Variants in FOXN3 observed in about 807,000 individuals in gnomAD.
The protein encoded by FOXN3 is forkhead box N3, also known as forkhead box protein N3.
Under a neutral mutation model 38.4 loss-of-function variants are expected in FOXN3, and 7 were observed. The observed-to-expected ratio is 0.18, with a 90% CI of 0.10 to 0.34. The LOEUF (loss-of-function observed/expected upper bound fraction) is 0.34. FOXN3 is among the 10% of genes least tolerant of loss of function. The pLI, the probability that FOXN3 is intolerant of heterozygous loss-of-function variation, is 1.00. For synonymous variants in FOXN3, 230 were observed against 242.2 expected, an observed-to-expected ratio of 0.95 and a Z score of 0.47; for missense variants, 456 against 613.4, an observed-to-expected ratio of 0.74 and a Z score of 2.71.
At position 89,476,130 on chromosome 14, in the gene FOXN3, C is replaced by T. The variant is rs150016091; in HGVS notation, c.-14-63640G>A. On this transcript the variant is annotated intron_variant, in intron 1 of 6. Transcript: ENST00000345097. ...GAGGAATGGGTTTAAACTTCTTGCTCTCGGATGTTTGCATGTCACAAACAC... is the reference window on the plus strand; with the variant it reads ...GAGGAATGGGTTTAAACTTCTTGCTTTCGGATGTTTGCATGTCACAAACAC... Among the ~76,000 whole-genome samples the T allele has an allele frequency of 6.6e-4, 101 of 152,312 alleles. 1 individual carries two copies. The East Asian group carries it at 0.017, about 25-fold the overall frequency.
At chr14:89,179,355 G>A (rs961903447) in intron 5 of FOXN3, among the ~76,000 whole-genome samples, 2 of 152,156 alleles carry the variant, frequency 1.3e-5, no homozygotes, top group African/African-American at 4.8e-5. Context: ...GAAGCTGCAC[G>A]CGGCAGGGGA....
intron 2 of FOXN3, among the ~76,000 whole-genome samples, chr14:89,362,557 TCCACCACCACCA>T (rs1156231521): frequency 8.3e-3 from 2 of 240 alleles, no homozygotes; most frequent in Non-Finnish European, 0.034. Context: ...CACCACCACC[TCCACCACCACCA>T]CCACCACCAT....
intron 4 of FOXN3, among the ~76,000 whole-genome samples, chr14:89,235,440 C>A (rs780670382): frequency 7.2e-5 from 11 of 152,140 alleles, no homozygotes; most frequent in Non-Finnish European, 1.5e-4. Context: ...GCCGTTGTGA[C>A]CCTGGAGGTT....
At chr14:89,322,129 G>A (rs1213200990) in intron 3 of FOXN3, among the ~76,000 whole-genome samples, 1 of 152,226 alleles carries the variant, frequency 6.6e-6, no homozygotes, top group Non-Finnish European at 1.5e-5. Context: ...TCACTGCTGG[G>A]AGGGGCAGCA....
intron 1 of FOXN3, among the ~76,000 whole-genome samples, chr14:89,540,737 C>CAAAAAAA (rs34410482): frequency 1.1e-5 from 1 of 91,238 alleles, no homozygotes; most frequent in Non-Finnish European, 2.3e-5. Flanking sequence ...GACTATGTCT[C>CAAAAAAA]AAAAAAAAAA....
At chr14:89,522,714 AAAT>A (rs2139823696) in intron 1 of FOXN3, among the ~76,000 whole-genome samples, 1 of 152,126 alleles carries the variant, frequency 6.6e-6, no homozygotes, top group South Asian at 2.1e-4. Context: ...GCAACCATTA[AAAT>A]AATACACAAA....
At chr14:89,169,075 T>C (rs1887318392) in intron 5 of FOXN3, among the ~76,000 whole-genome samples, 1 of 152,156 alleles carries the variant, frequency 6.6e-6, no homozygotes, top group South Asian at 2.1e-4. Context: ...AGGAATTTCA[T>C]AAGAATATAT....
intron 4 of FOXN3, among the ~76,000 whole-genome samples, chr14:89,200,536 C>T (rs1295890331): frequency 1.3e-5 from 2 of 152,170 alleles, no homozygotes; most frequent in Non-Finnish European, 2.9e-5. Context: ...GATCACTGTC[C>T]CTGCTGCTCC....
At chr14:89,562,626 C>T (rs1382121771) in intron 1 of FOXN3, among the ~76,000 whole-genome samples, 2 of 152,112 alleles carry the variant, frequency 1.3e-5, no homozygotes, top group Admixed American at 1.3e-4. Context: ...CCAGAAACTC[C>T]CCCACAATGT....
chr14:89,487,380 G>A (rs976443644), intron 1 of FOXN3, among the ~76,000 whole-genome samples: 10 of 152,100 alleles, frequency 6.6e-5, no homozygotes, highest in South Asian at 4.1e-4. Context: ...TAATTAGATC[G>A]GCGGTTCCCA....
At chr14:89,583,850 G>A (rs1388400567) in intron 1 of FOXN3, among the ~76,000 whole-genome samples, 2 of 150,040 alleles carry the variant, frequency 1.3e-5, no homozygotes, top group South Asian at 4.2e-4. Flanking sequence ...GTCAGATACC[G>A]CACCCAGCCT....
At chr14:89,532,299 G>A (rs1894586448) in intron 1 of FOXN3, among the ~76,000 whole-genome samples, 1 of 152,192 alleles carries the variant, frequency 6.6e-6, no homozygotes. Flanking sequence ...AAACCAGACT[G>A]TGTTTAAGTC....
chr14:89,183,114 T>C (rs1021510401), intron 4 of FOXN3, among the ~76,000 whole-genome samples: 2 of 152,224 alleles, frequency 1.3e-5, no homozygotes, highest in African/African-American at 4.8e-5. Context: ...CTATGTGTGT[T>C]GTCTAAAACG....
Position 89,280,989 on chromosome 14 carries a change from C to T in FOXN3, c.706G>A (p.Gly236Ser). 1 of 1,613,796 alleles carries T rather than the reference C, an allele frequency of 6.2e-7. No homozygotes were observed. The highest frequency in any genetic ancestry group is 8.5e-7 in the Non-Finnish European group (1 of 1,179,936). Residue 236 changes from glycine (G) to serine (S), a missense_variant, in exon 4 of 6, where the codon GGC becomes AGC. Physicochemically the swap from Gly to Ser is moderately conservative, Grantham distance 56. This residue lies in a region of FOXN3 where 386 missense variants were observed against 505.2 expected (regional missense o/e 0.76). Transcript: ENST00000557258. ...QSTSGPPIWP[G>S]STFFKRNGAL... is the part of the protein sequence containing the mutation. ...CCATTTCTCTTGAAGAAGGTACTGCCCGGCCAGATGGGTGGACCTGATGTG... is the reference window on the plus strand; with the variant it reads ...CCATTTCTCTTGAAGAAGGTACTGCTCGGCCAGATGGGTGGACCTGATGTG...
intron 4 of FOXN3, among the ~76,000 whole-genome samples, chr14:89,207,377 G>A (rs1040572122): frequency 6.6e-6 from 1 of 151,978 alleles, no homozygotes; most frequent in Non-Finnish European, 1.5e-5. Context: ...AGCTTTTGGG[G>A]AAATACAAAC....
intron 4 of FOXN3, among the ~76,000 whole-genome samples, chr14:89,188,187 G>T (rs1165807324): frequency 6.6e-6 from 1 of 152,176 alleles, no homozygotes; most frequent in Non-Finnish European, 1.5e-5. Context: ...CACTGAGCTT[G>T]TAAAACTCAA....
At chr14:89,355,353 G>GAT (rs1889170898) in intron 2 of FOXN3, 1 of 151,492 alleles carries the variant, frequency 6.6e-6, no homozygotes, top group African/African-American at 2.4e-5. Context: ...TCAGTCTCCC[G>GAT]AGAGGCTGGG....
At position 89,384,002 on chromosome 14, in the gene FOXN3, C is replaced by G. The variant is rs561340713; in HGVS notation, c.543+27932G>C. On this transcript the variant is annotated intron_variant, in intron 2 of 5. Transcript: ENST00000557258. ...ATAATTAGGTCACTAAATAAGACTC[C>G]AGGTGGACATGAATTTGGTGGGGGG... 3.3e-5 allele frequency among the ~76,000 whole-genome samples: 5 copies of G among 151,834 alleles called. 1 individual carries two copies. Among genetic ancestry groups the G allele is most frequent in the Admixed American group, 2.6e-4 (4 of 15,274 alleles).
chr14:89,538,482 C>T (rs1894732020), intron 1 of FOXN3, among the ~76,000 whole-genome samples: 1 of 152,180 alleles, frequency 6.6e-6, no homozygotes, highest in Non-Finnish European at 1.5e-5. Context: ...CTCTAGGGGG[C>T]TTCAGAAGAT....
Sources: allele counts gnomAD v4.1 joint callset (sites outside exome capture counted in the v4.1 genomes callset), GRCh38; gene constraint gnomAD v4.1.1; regional missense constraint gnomAD v4.1.1; transcripts MANE v1.5; gene names NCBI Gene and HGNC (gene_info 2026-07-23, HGNC 2026-07-21).